ZNF33A: variants seen among roughly 807,000 people sequenced by gnomAD.
The protein encoded by ZNF33A is zinc finger protein 33A, also known as brain my041 protein.
Under a neutral mutation model 15.9 loss-of-function variants are expected in ZNF33A, and 9 were observed. The observed-to-expected ratio is 0.57, with a 90% CI of 0.34 to 0.99. The LOEUF is 0.99. Among genes scored for constraint, ZNF33A ranks in the 50% least tolerant of loss-of-function variants. The probability of loss-of-function intolerance (pLI) is 0.02; values close to 1 mark genes in which losing one functional copy is unlikely to be tolerated. For missense variants in ZNF33A, 843 were observed against 941.6 expected, an observed-to-expected ratio of 0.90 and a Z score of 1.37; for synonymous variants, 294 against 324.2, an observed-to-expected ratio of 0.91 and a Z score of 1.00.
chr10:38,027,856 A>G (rs2065049608), intron 4 of ZNF33A, among the ~76,000 whole-genome samples: 1 of 152,174 alleles, frequency 6.6e-6, no homozygotes, highest in Admixed American at 6.5e-5. Flanking sequence ...AAATTAGTAT[A>G]GCCACCCCAG....
At chr10:38,051,994 C>T (rs553821809) in intron 4 of ZNF33A, among the ~76,000 whole-genome samples, 57 of 152,200 alleles carry the variant, frequency 3.7e-4, no homozygotes, top group African/African-American at 1.3e-3. Flanking sequence ...TGATAAAAGT[C>T]ATCTATAGAA....
chr10:38,017,588 T>A (rs2135550616), intron 4 of ZNF33A: 1 of 412,972 alleles, frequency 2.4e-6, no homozygotes, highest in African/African-American at 2.0e-5. Context: ...GAATCGTTTT[T>A]TGAATGTTTA....
intron 4 of ZNF33A, among the ~76,000 whole-genome samples, chr10:38,030,594 T>C (rs2135623614): frequency 6.6e-6 from 1 of 151,802 alleles, no homozygotes; most frequent in East Asian, 1.9e-4. Flanking sequence ...TAAAAAGGAG[T>C]TTATTAGTTA....
At chr10:38,062,594 C>T (rs1327145244), downstream of ZNF33A, among the ~76,000 whole-genome samples, 1 of 152,098 alleles carries the variant, frequency 6.6e-6, no homozygotes, top group East Asian at 1.9e-4. Context: ...TTTGTAATAC[C>T]CCAGTTAATA....
intron 4 of ZNF33A, among the ~76,000 whole-genome samples, chr10:38,034,925 A>G (rs1009837261): frequency 6.6e-6 from 1 of 152,082 alleles, no homozygotes; most frequent in Non-Finnish European, 1.5e-5. Context: ...ACCATGTAAT[A>G]TACTTATAAA....
chr10:38,013,939 T>A (rs1314266671), intron 2 of ZNF33A, among the ~76,000 whole-genome samples: 1 of 151,926 alleles, frequency 6.6e-6, no homozygotes, highest in Non-Finnish European at 1.5e-5. Flanking sequence ...ATTCATTCAT[T>A]TACATATAAG....
At chr10:38,067,279 C>T (rs2135799047), downstream of ZNF33A, among the ~76,000 whole-genome samples, 1 of 152,302 alleles carries the variant, frequency 6.6e-6, no homozygotes, top group African/African-American at 2.4e-5. Flanking sequence ...TAATTGGAGA[C>T]TGCTTAGCCC....
intron 4 of ZNF33A, among the ~76,000 whole-genome samples, chr10:38,018,174 TGTTCTGTG>T (rs1202902755): frequency 6.6e-6 from 1 of 152,254 alleles, no homozygotes; most frequent in African/African-American, 2.4e-5. Context: ...GTATATTAAA[TGTTCTGTG>T]GTTTTAAAGA....
At position 38,056,854 on chromosome 10, in the gene ZNF33A, C is replaced by T. The variant is rs1451612686; in HGVS notation, c.*294C>T. ...ACAAGTTATGTTTTGAGTTTGATGC[C>T]ATAATAGTTTTTAGGGCACCTAACA... On this transcript the variant is annotated 3_prime_UTR_variant, in exon 5 of 5. Coordinates refer to ENST00000432900, the MANE Select transcript of ZNF33A (RefSeq NM_006954.2). The T allele has an allele frequency of 1.9e-6, 2 of 1,075,484 alleles. No homozygotes were observed. The highest frequency in any genetic ancestry group is 5.8e-5 in the East Asian group (1 of 17,316). The allele number at this position is 1,075,484 out of a possible 1,614,324, so 66.6% of individuals were successfully genotyped here. A position where few individuals can be genotyped will look rare whatever the true frequency, so the allele number is the denominator to read the frequency against.
rs1437607911 is a variant in ZNF33A, at chr10:38,056,025, A to G, written c.1901A>G (p.Glu634Gly). The change falls in exon 5 of 5, where the codon GAG (glutamate) becomes GGG (glycine). Residue 634 changes from glutamate (E) to glycine (G), a missense_variant. By Grantham distance (98) the Glu-to-Gly change is moderately conservative. Transcript: ENST00000432900. ...CAGCATCAGAGAATTCACATAGGGG[A>G]GAAACCCTATAAATGTAATGAGTGT... Reference protein sequence around the residue: ...LTQHQRIHIGEKPYKCNECGK... With the variant: ...LTQHQRIHIGGKPYKCNECGK... The G allele has an allele frequency of 1.2e-6, 2 of 1,614,156 alleles. No individual in the cohort carries two copies. The highest frequency in any genetic ancestry group is 2.2e-5 in the South Asian group (2 of 91,084).
Position 38,057,934 on chromosome 10 carries a change from G to A in ZNF33A, c.*1374G>A. 1.0e-6 allele frequency: 1 copy of A among 985,484 alleles called. No homozygotes were observed. Among genetic ancestry groups the A allele is most frequent in the Non-Finnish European group, 1.2e-6 (1 of 829,990 alleles). The allele number at this position is 985,484 out of a possible 1,614,324, so 61.0% of individuals were successfully genotyped here. A position where few individuals can be genotyped will look rare whatever the true frequency, so the allele number is the denominator to read the frequency against. Reference sequence around the variant, plus strand: ...CTCAGACTTTTGAGAATATGAAGAGGAGGGTTGAGGCTGGAGCAGAACCAG... The same window carrying A: ...CTCAGACTTTTGAGAATATGAAGAGAAGGGTTGAGGCTGGAGCAGAACCAG... On this transcript the variant is annotated 3_prime_UTR_variant, in exon 5 of 5. Transcript: ENST00000432900.
At chr10:38,012,167 G>C in intron 1 of ZNF33A, 131 bp from the exon 2 acceptor site, 1 of 781,082 alleles carries the variant, frequency 1.3e-6, no homozygotes. Flanking sequence ...CAAAGTGTCA[G>C]AGGACATTGA....
chr10:38,061,660 G>A (rs2066655371), downstream of ZNF33A, among the ~76,000 whole-genome samples: 1 of 152,114 alleles, frequency 6.6e-6, no homozygotes, highest in African/African-American at 2.4e-5. Flanking sequence ...TTGAGGCTGG[G>A]TGCAGTGGCT....
chr10:38,010,870 GGGA>G, intron 1 of ZNF33A, 87 bp downstream of exon 1: 1 of 1,530,352 alleles, frequency 6.5e-7, no homozygotes, highest in African/African-American at 1.4e-5. Context: ...CCAAGTGGTG[GGGA>G]GGAGGCCCGG....
At chr10:38,017,647 C>T (rs912824796) in intron 4 of ZNF33A, 7 of 253,072 alleles carry the variant, frequency 2.8e-5, no homozygotes, top group African/African-American at 1.4e-4. Flanking sequence ...CTCAACTTTA[C>T]TGTTGTTTTT....
intron 4 of ZNF33A, among the ~76,000 whole-genome samples, chr10:38,027,060 T>C (rs1378531928): frequency 6.6e-6 from 1 of 152,218 alleles, no homozygotes; most frequent in African/African-American, 2.4e-5. Context: ...GGCTCTCACT[T>C]GCATTCCATT....
intron 4 of ZNF33A, among the ~76,000 whole-genome samples, chr10:38,040,592 T>C (rs2135690448): frequency 6.6e-6 from 1 of 152,276 alleles, no homozygotes; most frequent in Middle Eastern, 3.4e-3. Context: ...TATTAAAGTG[T>C]ATTTTGTGTG....
chr10:38,010,879 C>T, intron 1 of ZNF33A, 96 bp downstream of exon 1: 3 of 1,469,006 alleles, frequency 2.0e-6, no homozygotes, highest in South Asian at 1.2e-5. Flanking sequence ...GGGGAGGAGG[C>T]CCGGGGACCT....
rs1050942528 is a variant in ZNF33A at position 38,059,565 on chromosome 10, C to G, written c.*3005C>G. The G allele has an allele frequency of 5.3e-5, 8 of 152,122 alleles. No homozygotes were observed. Among genetic ancestry groups the G allele is most frequent in the Non-Finnish European group, 1.0e-4 (7 of 68,014 alleles). The allele number at this position is 152,122 out of a possible 1,614,324, so 9.4% of individuals were successfully genotyped here. ...TTGGACATCAAGTCATTAAAAGACA[C>G]GGAGAAACCCTAAATGCTTATTGTT... is the stretch of plus-strand genomic sequence containing the variant. On this transcript the variant is annotated 3_prime_UTR_variant, in exon 5 of 5. Transcript: ENST00000432900.
Sources: gnomAD v4.1 joint callset for allele counts (sites outside exome capture counted in the v4.1 genomes callset) on GRCh38, gnomAD v4.1.1 for gene constraint, MANE v1.5 for transcripts, NCBI Gene and HGNC (gene_info 2026-07-23, HGNC 2026-07-21) for gene names.